GBP7: variants seen among roughly 807,000 people sequenced by gnomAD.
GBP7 encodes guanylate-binding protein 7.
A neutral mutation model predicts 61.3 loss-of-function variants in GBP7; 43 were observed. The observed-to-expected ratio is 0.70, with a 90% CI of 0.55 to 0.91. The LOEUF is 0.91. Among genes scored for constraint, GBP7 ranks in the 40% least tolerant of loss-of-function variants. The pLI is 0.00. For missense variants in GBP7, 717 were observed against 740.5 expected, an observed-to-expected ratio of 0.97 and a Z score of 0.37; for synonymous variants, 267 against 271.0, an observed-to-expected ratio of 0.99 and a Z score of 0.14.
chr1:89,166,639 A>G (rs1189522919), intron 2 of GBP7, among the ~76,000 whole-genome samples: 1 of 152,270 alleles, frequency 6.6e-6, no homozygotes, highest in African/African-American at 2.4e-5. Context: ...TCAAAATGCC[A>G]AACTTGAATG....
At chr1:89,140,157 T>C (rs1681899558) in intron 9 of GBP7, among the ~76,000 whole-genome samples, 1 of 151,578 alleles carries the variant, frequency 6.6e-6, no homozygotes. Flanking sequence ...TGGATGAAAC[T>C]GGAAACCATC....
At chr1:89,151,982 A>G (rs1682211168) in intron 5 of GBP7, among the ~76,000 whole-genome samples, 1 of 152,256 alleles carries the variant, frequency 6.6e-6, no homozygotes, top group Non-Finnish European at 1.5e-5. Flanking sequence ...AGGATGTGAT[A>G]ATACTAATTG....
At chr1:89,167,325 A>G (rs1397909531) in intron 2 of GBP7, among the ~76,000 whole-genome samples, 2 of 152,208 alleles carry the variant, frequency 1.3e-5, no homozygotes, top group African/African-American at 2.4e-5. Context: ...GGTCACCTCA[A>G]TAAAAGGCCT....
chr1:89,164,780 T>G lies in GBP7; in HGVS notation c.269A>C (p.Asn90Thr). 1 of 1,614,052 alleles carries G rather than the reference T, an allele frequency of 6.2e-7. No homozygotes were observed. The highest frequency in any genetic ancestry group is 2.2e-5 in the East Asian group (1 of 44,872). Residue 90 changes from asparagine (N) to threonine (T), a missense_variant, in exon 3 of 11, where the codon AAC (asparagine) becomes ACC (threonine). This residue lies in a region of GBP7 where 387 missense variants were observed against 385.2 expected (regional missense o/e 1.00). Transcript: ENST00000294671. Reference sequence around the variant, plus strand: ...CGTGTCCAGAAGGATCAGGGTGTGGTTTGGCTTGGAGGGGTGGGGCACACA... The same window carrying G: ...CGTGTCCAGAAGGATCAGGGTGTGGGTTGGCTTGGAGGGGTGGGGCACACA... ...MWCVPHPSKP[N>T]HTLILLDTEG...
chr1:89,145,014 G>A (rs569213020), intron 8 of GBP7, among the ~76,000 whole-genome samples: 204 of 148,242 alleles, frequency 1.4e-3, no homozygotes, highest in African/African-American at 4.9e-3. Context: ...GTGCAGTGGT[G>A]CGATCTCGGT....
chr1:89,147,847 T>C, intron 7 of GBP7, 68 bp from the exon 8 acceptor site: 3 of 1,527,256 alleles, frequency 2.0e-6, no homozygotes, highest in African/African-American at 1.4e-5. Context: ...ACTGTGATCC[T>C]CTTGGAAGAA....
At chr1:89,158,388 G>T (rs1426312127) in intron 3 of GBP7, among the ~76,000 whole-genome samples, 1 of 152,122 alleles carries the variant, frequency 6.6e-6, no homozygotes, top group East Asian at 1.9e-4. Context: ...GGAAATAAAG[G>T]GTATTCAGTT....
In GBP7 at chr1:89,133,320, T is replaced by G. The variant is rs549807066; in HGVS notation, c.1600A>C (p.Met534Leu). The change falls in exon 10 of 11, where the codon ATG becomes CTG. Residue 534 changes from methionine (M) to leucine (L), a missense_variant. Met to Leu is a conservative substitution (Grantham distance 15, BLOSUM62 2). Transcript: ENST00000294671. ...QENIAQLKKKMERERENYMRE... is the reference protein window; with the variant it reads ...QENIAQLKKKLERERENYMRE... ...ATATAGTTTTCCCTTTCCCTCTCCA[T>G]CTTCTTCTTGAGTTGAGCTATGTTT... 6.2e-7 allele frequency: 1 copy of G among 1,613,980 alleles called. No homozygotes were observed. Among genetic ancestry groups the G allele is most frequent in the African/African-American group, 1.3e-5 (1 of 75,030 alleles).
intron 9 of GBP7, among the ~76,000 whole-genome samples, chr1:89,134,869 T>C (rs867018334): frequency 1.3e-5 from 2 of 152,090 alleles, no homozygotes; most frequent in African/African-American, 2.4e-5. Context: ...ATAGTAGATA[T>C]GGAATTCAGA....
Position 89,141,605 on chromosome 1 carries a change from A to C in GBP7, c.1409T>G (p.Ile470Arg), listed in dbSNP as rs553041646. The change falls in exon 9 of 11, where the codon ATA becomes AGA. Residue 470 changes from isoleucine (I) to arginine (R), a missense_variant. Ile to Arg is a moderately conservative substitution (Grantham distance 97, BLOSUM62 -3). This residue lies in a region of GBP7 where 312 missense variants were observed against 310.1 expected (regional missense o/e 1.01). Coordinates refer to ENST00000294671, the MANE Select transcript of GBP7 (RefSeq NM_207398.3). ...GTCTGACTGCAGGATGGATTCCTCTATAACCACCTGTGACTGCAGGAAGCT... is the reference window on the plus strand; with the variant it reads ...GTCTGACTGCAGGATGGATTCCTCTCTAACCACCTGTGACTGCAGGAAGCT... ...LQSFLQSQVV[I>R]EESILQSDKA... 1 of 1,613,850 alleles carries C rather than the reference A, an allele frequency of 6.2e-7. No homozygotes were observed. The highest frequency in any genetic ancestry group is 1.1e-5 in the South Asian group (1 of 91,078).
At chr1:89,136,433 T>TA (rs371940252) in intron 9 of GBP7, among the ~76,000 whole-genome samples, 49 of 146,194 alleles carry the variant, frequency 3.4e-4, no homozygotes, top group South Asian at 8.6e-4. Context: ...TCTCAACAAA[T>TA]AAAAAAAAAA....
intron 3 of GBP7, among the ~76,000 whole-genome samples, chr1:89,163,547 T>A (rs1319352161): frequency 6.6e-6 from 1 of 151,432 alleles, no homozygotes; most frequent in Non-Finnish European, 1.5e-5. Flanking sequence ...TTGTCTAGTT[T>A]ATGTCCATGG....
Position 89,133,348 on chromosome 1 carries a change from C to T in GBP7, c.1572G>A (p.Gln524=), listed in dbSNP as rs1402028378. Residue 524 remains glutamine, a synonymous_variant, in exon 10 of 11, where the codon CAG becomes CAA. Transcript: ENST00000294671. ...QMMEAQERSF[Q]ENIAQLKKKM... ...TCTTCTTGAGTTGAGCTATGTTTTC[C>T]TGGAAACTTCTCTCTTGAGCCTCCA... is the stretch of plus-strand genomic sequence containing the variant. 1 of 1,614,008 alleles carries T rather than the reference C, an allele frequency of 6.2e-7. No homozygotes were observed. The highest frequency in any genetic ancestry group is 8.5e-7 in the Non-Finnish European group (1 of 1,179,992).
intron 9 of GBP7, among the ~76,000 whole-genome samples, chr1:89,134,491 G>C (rs1023946695): frequency 6.6e-6 from 1 of 152,090 alleles, no homozygotes; most frequent in African/African-American, 2.4e-5. Flanking sequence ...CACAGCAGGT[G>C]CTTAACCTAG....
intron 3 of GBP7, among the ~76,000 whole-genome samples, chr1:89,163,960 C>T (rs1193767928): frequency 1.3e-5 from 2 of 151,920 alleles, no homozygotes; most frequent in Non-Finnish European, 2.9e-5. Flanking sequence ...ACCTCCACTT[C>T]CCGGGTCCAA....
chr1:89,150,022 C>T (rs1434784738), intron 6 of GBP7, among the ~76,000 whole-genome samples: 1 of 152,126 alleles, frequency 6.6e-6, no homozygotes, highest in East Asian at 1.9e-4. Flanking sequence ...CTTTTCTATA[C>T]AGAGCACTAA....
At chr1:89,170,746 T>C (rs759460549) in intron 2 of GBP7, among the ~76,000 whole-genome samples, 1 of 152,230 alleles carries the variant, frequency 6.6e-6, no homozygotes, top group South Asian at 2.1e-4. Context: ...CTTTCATGTA[T>C]ACTTTCTTGT....
In GBP7 at chr1:89,131,790, A is replaced by T. The variant is rs1045079155; in HGVS notation, c.*359T>A. The stretch of plus-strand genomic sequence containing the variant: ...GTCAGTAAAATTAAACATTTTTATT[A>T]TCATATTTTTGCCTGTTTAAAATAT... On this transcript the variant is annotated 3_prime_UTR_variant, in exon 11 of 11. Transcript: ENST00000294671. 5.0e-5 allele frequency: 8 copies of T among 159,806 alleles called. No homozygotes were observed. Among genetic ancestry groups the T allele is most frequent in the African/African-American group, 1.9e-4 (8 of 41,674 alleles). The allele number at this position is 159,806 out of a possible 1,614,324, so 9.9% of individuals were successfully genotyped here. A position where few individuals can be genotyped will look rare whatever the true frequency, so the allele number is the denominator to read the frequency against.
At position 89,171,748 on chromosome 1, in the gene GBP7, T is replaced by G; in HGVS notation, c.188A>C (p.Lys63Thr). 1 of 1,612,570 alleles carries G rather than the reference T, an allele frequency of 6.2e-7. No homozygotes were observed. The highest frequency in any genetic ancestry group is 8.5e-7 in the Non-Finnish European group (1 of 1,179,496). ...YLMNKLAGKNKGFPLGCTVKS... is the reference protein window; with the variant it reads ...YLMNKLAGKNTGFPLGCTVKS... ...CATGCTTTGCTGGTGCCACTCACCT[T>G]TGTTCTTCCCAGCCAGCTTGTTCAT... The change falls in exon 2 of 11, where the codon AAA (lysine) becomes ACA (threonine). Residue 63 changes from lysine to threonine, a missense_variant and splice_region_variant. By Grantham distance (78) the Lys-to-Thr change is moderately conservative (BLOSUM62 -1). Coordinates refer to ENST00000294671, the MANE Select transcript of GBP7 (RefSeq NM_207398.3).
Sources: gnomAD v4.1 joint callset for allele counts (sites outside exome capture counted in the v4.1 genomes callset) on GRCh38, gnomAD v4.1.1 for gene constraint, gnomAD v4.1.1 regional missense constraint, MANE v1.5 for transcripts, NCBI Gene and HGNC (gene_info 2026-07-23, HGNC 2026-07-21) for gene names.